CAMTA1: variants seen among roughly 807,000 people sequenced by gnomAD.
CAMTA1 encodes calmodulin binding transcription activator 1.
Under a neutral mutation model 170.9 loss-of-function variants are expected in CAMTA1, and 27 were observed. The observed-to-expected ratio is 0.16, with a 90% CI of 0.12 to 0.22. The LOEUF (loss-of-function observed/expected upper bound fraction) is 0.22. CAMTA1 is among the 10% of genes least tolerant of loss of function. The probability of loss-of-function intolerance (pLI) is 1.00; values close to 1 mark genes in which losing one functional copy is unlikely to be tolerated. For missense variants in CAMTA1, 1,619 were observed against 2,217.2 expected (o/e 0.73, Z 5.42); for synonymous variants, 833 against 891.5 (o/e 0.93, Z 1.17).
chr1:7,743,457 C>T (rs185939561), intron 16 of CAMTA1, among the ~76,000 whole-genome samples: 7 of 152,186 alleles, frequency 4.6e-5, no homozygotes, highest in African/African-American at 9.6e-5. Context: ...TCTCACTGCA[C>T]GGTGCCCTGT....
In CAMTA1 at chr1:7,041,592, A is replaced by G. The variant is rs1704475980; in HGVS notation, c.235-49712A>G. On this transcript the variant is annotated intron_variant, in intron 3 of 22. Coordinates refer to ENST00000303635, the MANE Select transcript of CAMTA1 (RefSeq NM_015215.4). The surrounding 1 kb of genome is among the most constrained non-coding windows in gnomAD (Gnocchi z 5.1). ...TTCTGTAGAAATGTGAAACATTATTATGTTATAGAATATTGGAGTGAAGAA... is the reference window on the plus strand; with the variant it reads ...TTCTGTAGAAATGTGAAACATTATTGTGTTATAGAATATTGGAGTGAAGAA... Among the ~76,000 whole-genome samples the G allele has an allele frequency of 6.6e-6, 1 of 152,244 alleles. No homozygotes were observed. The highest frequency in any genetic ancestry group is 1.5e-5 in the Non-Finnish European group (1 of 68,044).
At chr1:7,403,556 A>AGTGAAGGG (rs1260972604) in intron 5 of CAMTA1, among the ~76,000 whole-genome samples, 4 of 152,178 alleles carry the variant, frequency 2.6e-5, no homozygotes, top group African/African-American at 4.8e-5. Context: ...GTCAGGTGTT[A>AGTGAAGGG]GTGAAGGGGT....
At chr1:6,976,403 C>T (rs147364660) in intron 3 of CAMTA1, among the ~76,000 whole-genome samples, 9 of 152,264 alleles carry the variant, frequency 5.9e-5, no homozygotes, top group Middle Eastern at 3.4e-3. Context: ...GAGAAATAGG[C>T]GTTTCCACCT....
At chr1:7,752,579 A>G in intron 21 of CAMTA1, 46 bp downstream of exon 21, 1 of 1,472,660 alleles carries the variant, frequency 6.8e-7, no homozygotes. Flanking sequence ...AGAATGATGA[A>G]GCAACCCTGA....
intron 3 of CAMTA1, among the ~76,000 whole-genome samples, chr1:6,851,512 A>T (rs773080310): frequency 2.0e-5 from 3 of 152,216 alleles, no homozygotes; most frequent in Non-Finnish European, 2.9e-5. Flanking sequence ...AGAATTGTTC[A>T]TAACAGGCAA....
At chr1:7,056,357 C>T (rs1220097003) in intron 3 of CAMTA1, among the ~76,000 whole-genome samples, 1 of 152,132 alleles carries the variant, frequency 6.6e-6, no homozygotes, top group Non-Finnish European at 1.5e-5. Flanking sequence ...ACTGAACCTG[C>T]CACGAGAAGA....
intron 5 of CAMTA1, among the ~76,000 whole-genome samples, chr1:7,344,071 A>G (rs1226536305): frequency 6.6e-6 from 1 of 152,196 alleles, no homozygotes; most frequent in African/African-American, 2.4e-5. Flanking sequence ...CTGTGAAACA[A>G]ACCATCCCAC....
chr1:7,492,586 TAC>T (rs1346315003), intron 6 of CAMTA1, among the ~76,000 whole-genome samples: 4 of 143,280 alleles, frequency 2.8e-5, no homozygotes, highest in East Asian at 4.2e-4. Context: ...CAAACCTACA[TAC>T]ACACACGCGT....
At chr1:6,818,751 A>T (rs550459024) in intron 1 of CAMTA1, among the ~76,000 whole-genome samples, 1 of 151,902 alleles carries the variant, frequency 6.6e-6, no homozygotes, top group Non-Finnish European at 1.5e-5. Context: ...CAATCCTCCT[A>T]CCTCAGTCCC....
chr1:6,927,583 C>T (rs1013859362), intron 3 of CAMTA1, among the ~76,000 whole-genome samples: 16 of 152,182 alleles, frequency 1.1e-4, no homozygotes, highest in African/African-American at 3.9e-4. Context: ...GCCCTCATTT[C>T]CTGTTTCATA....
At chr1:7,119,831 C>T (rs985703147) in intron 4 of CAMTA1, among the ~76,000 whole-genome samples, 3 of 152,124 alleles carry the variant, frequency 2.0e-5, no homozygotes, top group Admixed American at 1.3e-4. Flanking sequence ...AAATGATGTG[C>T]GTGGCCTTTT....
chr1:7,672,675 C>T (rs1327848115), intron 10 of CAMTA1, among the ~76,000 whole-genome samples: 4 of 152,092 alleles, frequency 2.6e-5, no homozygotes, highest in Non-Finnish European at 5.9e-5. Flanking sequence ...CCCACCTTGG[C>T]CTCCCAAAGT....
intron 5 of CAMTA1, among the ~76,000 whole-genome samples, chr1:7,335,453 G>A (rs1368700459): frequency 6.6e-6 from 1 of 152,178 alleles, no homozygotes; most frequent in Non-Finnish European, 1.5e-5. Flanking sequence ...GGGGATGCCC[G>A]TCAAAGCAGC....
chr1:7,572,777 A>T (rs74055144), intron 6 of CAMTA1, among the ~76,000 whole-genome samples: 2 of 152,242 alleles, frequency 1.3e-5, no homozygotes, highest in Non-Finnish European at 2.9e-5. Context: ...GAAGACACAC[A>T]TGTTCAGACC....
intron 6 of CAMTA1, among the ~76,000 whole-genome samples, chr1:7,540,401 T>C (rs541809852): frequency 3.9e-5 from 6 of 152,236 alleles, no homozygotes; most frequent in African/African-American, 1.4e-4. Flanking sequence ...AGTCTCTCCA[T>C]GAGCTCCTGG....
intron 5 of CAMTA1, among the ~76,000 whole-genome samples, chr1:7,291,335 A>G (rs999508332): frequency 1.3e-5 from 2 of 152,124 alleles, no homozygotes; most frequent in Admixed American, 6.5e-5. Flanking sequence ...AACCTAGGCT[A>G]TGGAGTCAGC....
intron 3 of CAMTA1, among the ~76,000 whole-genome samples, chr1:6,875,645 C>T (rs1422464524): frequency 6.6e-6 from 1 of 152,140 alleles, no homozygotes; most frequent in African/African-American, 2.4e-5. Context: ...CTTCAACAAC[C>T]GCCCCTCTTC....
rs79021819 is a variant in CAMTA1 at position 7,039,783 on chromosome 1, A to G, written c.235-51521A>G. Among the ~76,000 whole-genome samples, 425 of 152,230 alleles carry G rather than the reference A, an allele frequency of 2.8e-3. 23 individuals carry two copies. The East Asian group carries it at 0.061, about 22-fold the overall frequency. ...ATTTCTGTGGGCTGTGGAGTGTGGG[A>G]GGAAAATGGGTAACCTATAGGGGAG... On this transcript the variant is annotated intron_variant, in intron 3 of 22. Coordinates refer to ENST00000303635, the MANE Select transcript of CAMTA1 (RefSeq NM_015215.4).
chr1:6,794,954 C>T (rs1642127092), intron 1 of CAMTA1, among the ~76,000 whole-genome samples: 1 of 145,500 alleles, frequency 6.9e-6, no homozygotes, highest in Non-Finnish European at 1.5e-5. Context: ...GAGCTTTCTT[C>T]TGGTCACTGA....
Sources: allele counts gnomAD v4.1 joint callset (sites outside exome capture counted in the v4.1 genomes callset), GRCh38; gene constraint gnomAD v4.1.1; non-coding constraint Gnocchi (gnomAD v3.1); transcripts MANE v1.5; gene names NCBI Gene and HGNC (gene_info 2026-07-23, HGNC 2026-07-21).